Variants in ERBIN observed in about 807,000 individuals in gnomAD.
ERBIN encodes densin-180-like protein.
A neutral mutation model predicts 158.4 loss-of-function variants in ERBIN; 60 were observed. That is an observed-to-expected ratio of 0.38 (90% CI 0.31 to 0.47). The LOEUF is 0.47. Ranked by LOEUF, ERBIN falls within the 20% of genes least tolerant of loss-of-function variation. ERBIN has a pLI of 0.99. For missense variants in ERBIN, 1,610 were observed against 1,648.0 expected, an observed-to-expected ratio of 0.98 and a Z score of 0.40; for synonymous variants, 594 against 557.2, an observed-to-expected ratio of 1.07 and a Z score of -0.93.
chr5:66,076,571 T>C, intron 24 of ERBIN, 163 bp downstream of exon 24: 1 of 649,516 alleles, frequency 1.5e-6, no homozygotes, highest in Non-Finnish European at 2.6e-6. Flanking sequence ...ATTTGATCAG[T>C]TCAAGTTAAA....
chr5:66,001,811 T>C (rs1354150287), intron 4 of ERBIN, among the ~76,000 whole-genome samples: 3 of 152,152 alleles, frequency 2.0e-5, no homozygotes, highest in Non-Finnish European at 4.4e-5. Flanking sequence ...TTTTATTTTA[T>C]TTTACTTTAA....
chr5:66,029,742 C>A (rs1392981807), intron 14 of ERBIN, among the ~76,000 whole-genome samples: 1 of 151,838 alleles, frequency 6.6e-6, no homozygotes, highest in African/African-American at 2.4e-5. Context: ...GTAGCTGGGA[C>A]TACAGGCATG....
intron 4 of ERBIN, among the ~76,000 whole-genome samples, chr5:66,000,351 ATTAATATCCTAGGC>A (rs2151072379): frequency 6.6e-6 from 1 of 152,314 alleles, no homozygotes; most frequent in Admixed American, 6.5e-5. Flanking sequence ...GCATCATTAA[ATTAATATCCTAGGC>A]TTTTGTATAA....
chr5:66,075,812 A>G (rs1349605630), intron 23 of ERBIN, among the ~76,000 whole-genome samples: 4 of 152,250 alleles, frequency 2.6e-5, no homozygotes, highest in Non-Finnish European at 5.9e-5. Flanking sequence ...AAAACTCTCA[A>G]TTGGTCATGT....
At chr5:65,992,022 A>G (rs1013984767) in intron 2 of ERBIN, among the ~76,000 whole-genome samples, 1 of 152,218 alleles carries the variant, frequency 6.6e-6, no homozygotes, top group African/African-American at 2.4e-5. Context: ...TTCCTACTCA[A>G]AACTGCACTT....
chr5:65,948,551 G>GT (rs1053830839), intron 1 of ERBIN, among the ~76,000 whole-genome samples: 2 of 151,992 alleles, frequency 1.3e-5, no homozygotes, highest in African/African-American at 4.8e-5. Context: ...TAAATTATAT[G>GT]TGAGGGTAGG....
In ERBIN at chr5:66,024,542, T is replaced by C. The variant is rs77762597; in HGVS notation, c.817+92T>C. 3,038 of 1,227,844 alleles carry C rather than the reference T, an allele frequency of 2.5e-3. 46 individuals carry two copies. In the African/African-American group the frequency reaches 0.039, roughly 16 times the overall value. 76.1% of individuals were successfully genotyped at this position (1,227,844 alleles called of 1,614,324 possible). A position where few individuals can be genotyped will look rare whatever the true frequency, so the allele number is the denominator to read the frequency against. The stretch of plus-strand genomic sequence containing the variant: ...AATTTCACTTGTTATGAGGTAGTTA[T>C]ACTTCGTTACCACAGGAACGGATTT... On this transcript the variant is annotated intron_variant, in intron 10 of 25. Coordinates refer to ENST00000284037, the MANE Select transcript of ERBIN (RefSeq NM_001253697.2).
intron 14 of ERBIN, among the ~76,000 whole-genome samples, chr5:66,029,055 T>G (rs186573724): frequency 4.6e-5 from 7 of 152,224 alleles, no homozygotes; most frequent in African/African-American, 1.7e-4. Flanking sequence ...CTTTGTTCAT[T>G]CATCCATTCA....
intron 20 of ERBIN, among the ~76,000 whole-genome samples, chr5:66,052,583 A>T (rs994786421): frequency 3.9e-5 from 6 of 152,180 alleles, no homozygotes; most frequent in African/African-American, 1.4e-4. Context: ...CTAAGCAAGG[A>T]ATACAGCAAC....
At position 66,078,478 on chromosome 5, in the gene ERBIN, A is replaced by C. The variant is rs766226774; in HGVS notation, c.4187A>C (p.Lys1396Thr). Residue 1396 changes from lysine to threonine, a missense_variant, in exon 26 of 26, where the codon AAA (lysine) becomes ACA (threonine). Lys to Thr is a moderately conservative substitution (Grantham distance 78, BLOSUM62 -1). This residue lies in a region of ERBIN where 1,014 missense variants were observed against 936.1 expected (regional missense o/e 1.08). Coordinates refer to ENST00000284037, the MANE Select transcript of ERBIN (RefSeq NM_001253697.2). ...CATGGACAAGCAGTGTCCTTGCTAAAAACTTTCCAGAATACAGTTGAACTC... is the reference window on the plus strand; with the variant it reads ...CATGGACAAGCAGTGTCCTTGCTAACAACTTTCCAGAATACAGTTGAACTC... Reference protein sequence around the residue: ...IEHGQAVSLLKTFQNTVELII... With the variant: ...IEHGQAVSLLTTFQNTVELII... 79 of 1,599,666 alleles carry C rather than the reference A, an allele frequency of 4.9e-5. No individual in the cohort carries two copies. Among genetic ancestry groups the C allele is most frequent in the Non-Finnish European group, 6.6e-5 (78 of 1,176,230 alleles).
intron 1 of ERBIN, among the ~76,000 whole-genome samples, chr5:65,934,410 G>T (rs1442805831): frequency 6.6e-6 from 1 of 151,876 alleles, no homozygotes; most frequent in Non-Finnish European, 1.5e-5. Context: ...CTTCAATCTG[G>T]AATAATTTCT....
intron 1 of ERBIN, among the ~76,000 whole-genome samples, chr5:65,940,164 A>C: frequency 8.0e-6 from 1 of 125,020 alleles, no homozygotes; most frequent in Non-Finnish European, 1.7e-5. Context: ...CCGGCCGCCC[A>C]TCGTCTAAGA....
chr5:65,931,368 A>G (rs984194359), intron 1 of ERBIN, among the ~76,000 whole-genome samples: 3 of 152,200 alleles, frequency 2.0e-5, no homozygotes, highest in African/African-American at 7.2e-5. Flanking sequence ...AGATGACTGA[A>G]TAACTTAGAA....
At chr5:65,987,570 G>T (rs1036332121) in intron 1 of ERBIN, among the ~76,000 whole-genome samples, 5 of 151,716 alleles carry the variant, frequency 3.3e-5, no homozygotes, top group Admixed American at 6.6e-5. Context: ...TCAAAAAAAA[G>T]TCCAGGCGTG....
chr5:66,064,865 T>C (rs1760823663), intron 21 of ERBIN, among the ~76,000 whole-genome samples: 1 of 152,160 alleles, frequency 6.6e-6, no homozygotes, highest in Admixed American at 6.5e-5. Flanking sequence ...CCTTATTTAA[T>C]TAATTAATTT....
At position 66,048,501 on chromosome 5, in the gene ERBIN, TACAA is replaced by T. The variant is rs759084897; in HGVS notation, c.1789-162_1789-159del. ...ATGAAAAGGATAGAGGTACAAATTG[TACAA>T]ACAGTCTTGGAAGGACTGGTTGTTA... On this transcript the variant is annotated intron_variant, in intron 18 of 25. Transcript: ENST00000284037. 1.4e-4 allele frequency among the ~76,000 whole-genome samples: 21 copies of T among 152,050 alleles called. 1 individual carries two copies. The highest frequency in any genetic ancestry group is 9.8e-4 in the Admixed American group (15 of 15,264).
At chr5:66,013,767 G>T in intron 6 of ERBIN, 129 bp downstream of exon 6, 4 of 581,654 alleles carry the variant, frequency 6.9e-6, no homozygotes, top group South Asian at 5.0e-5. Context: ...CAAGCATTGT[G>T]ACTTTTATAC....
At position 66,023,274 on chromosome 5, in the gene ERBIN, A is replaced by C. The variant is rs1755887577; in HGVS notation, c.598-16A>C. 1 of 1,602,628 alleles carries C rather than the reference A, an allele frequency of 6.2e-7. No homozygotes were observed. Among genetic ancestry groups the C allele is most frequent in the Non-Finnish European group, 8.5e-7 (1 of 1,170,484 alleles). ...ATTAATTGAATTACTGCTATCCCCT[A>C]CCCTAATCCCAACAGCCTGAAGTAC... On this transcript the variant is annotated splice_polypyrimidine_tract_variant and intron_variant, in intron 8 of 25. Transcript: ENST00000284037.
At chr5:65,965,486 C>G (rs1170905139) in intron 1 of ERBIN, among the ~76,000 whole-genome samples, 1 of 146,172 alleles carries the variant, frequency 6.8e-6, no homozygotes, top group Non-Finnish European at 1.5e-5. Flanking sequence ...CTCACTGCAC[C>G]CTTCGCCTCC....
Sources: gnomAD v4.1 joint callset for allele counts (sites outside exome capture counted in the v4.1 genomes callset) on GRCh38, gnomAD v4.1.1 for gene constraint, gnomAD v4.1.1 regional missense constraint, MANE v1.5 for transcripts, NCBI Gene and HGNC (gene_info 2026-07-23, HGNC 2026-07-21) for gene names.